ANAPC10: variants seen among roughly 807,000 people sequenced by gnomAD.
ANAPC10 encodes anaphase promoting complex subunit 10.
Under a neutral mutation model 22.0 loss-of-function variants are expected in ANAPC10, and 12 were observed. The observed-to-expected ratio is 0.55, with a 90% confidence interval of 0.35 to 0.88. The LOEUF (loss-of-function observed/expected upper bound fraction) is 0.88. ANAPC10 is among the 40% of genes least tolerant of loss of function. The probability of loss-of-function intolerance (pLI) is 0.01; values close to 1 mark genes in which losing one functional copy is unlikely to be tolerated. For synonymous variants in ANAPC10, 65 were observed against 69.5 expected, an observed-to-expected ratio of 0.94 and a Z score of 0.32; for missense variants, 188 against 220.9, an observed-to-expected ratio of 0.85 and a Z score of 0.94.
chr4:145,094,271 A>C (rs183737255), intron 2 of ANAPC10, among the ~76,000 whole-genome samples: 1 of 152,352 alleles, frequency 6.6e-6, no homozygotes, highest in African/African-American at 2.4e-5. Context: ...TTATATCGGC[A>C]TTCTGGGAAA....
At position 145,025,574 on chromosome 4, in the gene ANAPC10, T is replaced by C. The variant is rs1197575077; in HGVS notation, c.328-29971A>G. ...TATCGATTGGGTTTGCCATCTTACA[T>C]GGGCTTAAGTTCGTGGGGACCCATA... On this transcript the variant is annotated intron_variant, in intron 4 of 4. Coordinates refer to ENST00000507656, the MANE Select transcript of ANAPC10 (RefSeq NM_001256706.2). 3.0e-4 allele frequency among the ~76,000 whole-genome samples: 45 copies of C among 152,132 alleles called. 2 individuals are homozygous for C. Among genetic ancestry groups the C allele is most frequent in the Admixed American group, 2.8e-3 (43 of 15,270 alleles).
At chr4:145,036,382 T>C (rs1291285520) in intron 4 of ANAPC10, among the ~76,000 whole-genome samples, 1 of 152,242 alleles carries the variant, frequency 6.6e-6, no homozygotes. Context: ...TTTAGAAATA[T>C]GAAAGTAAAT....
In ANAPC10 at chr4:145,092,293, C is replaced by T. The variant is rs147047474; in HGVS notation, c.115+3692G>A. 2.4e-3 allele frequency among the ~76,000 whole-genome samples: 362 copies of T among 152,166 alleles called. 2 individuals carry two copies. Among genetic ancestry groups the T allele is most frequent in the Non-Finnish European group, 1.7e-3 (114 of 67,998 alleles). ...CATTTACCTATGTCACAAACCTGCACATCCTACACATGTACCCCAGAACTT... is the reference window on the plus strand; with the variant it reads ...CATTTACCTATGTCACAAACCTGCATATCCTACACATGTACCCCAGAACTT... On this transcript the variant is annotated intron_variant, in intron 2 of 4. Coordinates refer to ENST00000507656, the MANE Select transcript of ANAPC10 (RefSeq NM_001256706.2).
chr4:145,059,739 G>C (rs1742606632), intron 4 of ANAPC10, among the ~76,000 whole-genome samples: 1 of 151,936 alleles, frequency 6.6e-6, no homozygotes, highest in Non-Finnish European at 1.5e-5. Flanking sequence ...TAACTAGTTA[G>C]CAAACTGAAA....
chr4:145,050,052 A>G (rs1211509092), intron 4 of ANAPC10, among the ~76,000 whole-genome samples: 1 of 152,202 alleles, frequency 6.6e-6, no homozygotes, highest in Non-Finnish European at 1.5e-5. Flanking sequence ...CTAGAATGGT[A>G]AGTTATTTCC....
chr4:145,082,186 G>A (rs1031262323), intron 2 of ANAPC10, among the ~76,000 whole-genome samples: 1 of 152,140 alleles, frequency 6.6e-6, no homozygotes, highest in Non-Finnish European at 1.5e-5. Context: ...TTTCACTCTC[G>A]TGGCCCAAGC....
intron 3 of ANAPC10, among the ~76,000 whole-genome samples, chr4:145,073,114 G>A (rs1744715706): frequency 6.6e-6 from 1 of 152,060 alleles, no homozygotes; most frequent in Admixed American, 6.5e-5. Flanking sequence ...GGCCAGTTTT[G>A]AACTTCTGGC....
chr4:145,083,411 A>G (rs1204528847), intron 2 of ANAPC10, among the ~76,000 whole-genome samples: 2 of 152,194 alleles, frequency 1.3e-5, no homozygotes. Flanking sequence ...AGCTGTCTAC[A>G]ATCTTTAAAT....
At chr4:145,071,020 G>A (rs2126518547) in intron 3 of ANAPC10, among the ~76,000 whole-genome samples, 1 of 152,326 alleles carries the variant, frequency 6.6e-6, no homozygotes, top group Non-Finnish European at 1.5e-5. Context: ...ATTATTTAAT[G>A]GGTTCCACAC....
chr4:145,019,097 G>A (rs981712312), intron 4 of ANAPC10, among the ~76,000 whole-genome samples: 1 of 152,084 alleles, frequency 6.6e-6, no homozygotes, highest in Non-Finnish European at 1.5e-5. Context: ...GGAACAAATG[G>A]ACTTAACAGC....
chr4:145,065,428 A>G (rs1560900674), intron 3 of ANAPC10, among the ~76,000 whole-genome samples: 1 of 152,066 alleles, frequency 6.6e-6, no homozygotes, highest in South Asian at 2.1e-4. Context: ...ATAGTACTCA[A>G]ATTTGATTAG....
At chr4:145,062,143 TAAG>T (rs1742987898) in intron 4 of ANAPC10, among the ~76,000 whole-genome samples, 1 of 151,944 alleles carries the variant, frequency 6.6e-6, no homozygotes, top group Non-Finnish European at 1.5e-5. Context: ...TAGAAAAACT[TAAG>T]AAGACTAAGA....
At chr4:145,009,642 C>T (rs1407788291) in intron 4 of ANAPC10, among the ~76,000 whole-genome samples, 1 of 152,106 alleles carries the variant, frequency 6.6e-6, no homozygotes, top group Non-Finnish European at 1.5e-5. Flanking sequence ...AAACTGGATC[C>T]CTTCCTTACA....
chr4:145,057,783 T>G (rs978627423), intron 4 of ANAPC10, among the ~76,000 whole-genome samples: 7 of 152,154 alleles, frequency 4.6e-5, no homozygotes, highest in Non-Finnish European at 1.0e-4. Flanking sequence ...ATGCCAACTT[T>G]CAACCAGTTG....
intron 4 of ANAPC10, among the ~76,000 whole-genome samples, chr4:145,027,727 A>G (rs1267155338): frequency 6.6e-6 from 1 of 152,236 alleles, no homozygotes; most frequent in Non-Finnish European, 1.5e-5. Flanking sequence ...AAATTCTGAG[A>G]GCAAATTATT....
chr4:145,030,382 T>A (rs137930698), intron 4 of ANAPC10, among the ~76,000 whole-genome samples: 1 of 152,202 alleles, frequency 6.6e-6, no homozygotes, highest in Non-Finnish European at 1.5e-5. Context: ...CTCCCATCCT[T>A]CCCCAAGAAG....
chr4:145,081,824 T>C (rs749451108), intron 2 of ANAPC10, 74 bp from the exon 3 acceptor site: 25 of 1,020,258 alleles, frequency 2.5e-5, no homozygotes, highest in Admixed American at 6.5e-5. Flanking sequence ...AAAATTAACA[T>C]ATGTATTTGT....
chr4:145,048,822 A>C (rs1164421379), intron 4 of ANAPC10, among the ~76,000 whole-genome samples: 1 of 152,176 alleles, frequency 6.6e-6, no homozygotes, highest in Non-Finnish European at 1.5e-5. Flanking sequence ...TCAGTATCTC[A>C]GTTATTTCTT....
At chr4:145,060,746 C>T (rs192676984) in intron 4 of ANAPC10, among the ~76,000 whole-genome samples, 39 of 152,084 alleles carry the variant, frequency 2.6e-4, no homozygotes, top group Middle Eastern at 6.8e-3. Context: ...AAAATTCACA[C>T]TATTTTAATA....
Sources: gnomAD v4.1 joint callset for allele counts (sites outside exome capture counted in the v4.1 genomes callset) on GRCh38, gnomAD v4.1.1 for gene constraint, MANE v1.5 for transcripts, NCBI Gene and HGNC (gene_info 2026-07-23, HGNC 2026-07-21) for gene names.